The following PPP6R2 variants were observed in gnomAD, a reference collection of about 807,000 sequenced individuals.
PPP6R2 encodes the protein protein phosphatase 6 regulatory subunit 2, also known as serine/threonine-protein phosphatase 6 regulatory subunit 2.
A neutral mutation model predicts 100.2 loss-of-function variants in PPP6R2; 62 were observed. The observed-to-expected ratio is 0.62, with a 90% CI of 0.50 to 0.76. PPP6R2 has a LOEUF of 0.76. PPP6R2 is among the 30% of genes least tolerant of loss of function. The pLI, the probability that PPP6R2 is intolerant of heterozygous loss-of-function variation, is 0.00. For missense variants in PPP6R2, 1,142 were observed against 1,276.3 expected (o/e 0.89, Z 1.60); for synonymous variants, 525 against 514.7 (o/e 1.02, Z -0.27).
chr22:50,388,497 T>TC lies in PPP6R2; in HGVS notation c.-16-5395dup, dbSNP rs1400209779. Reference sequence around the variant, plus strand: ...GGGAGGGTTGCTTAAGCCCAGGAGTTCAAGACTGCAGTGGCTGTGTTCAGG... The same window carrying TC: ...GGGAGGGTTGCTTAAGCCCAGGAGTTCCAAGACTGCAGTGGCTGTGTTCAGG... On this transcript the variant is annotated intron_variant, in intron 2 of 23. Coordinates refer to ENST00000612753, the MANE Select transcript of PPP6R2 (RefSeq NM_001242898.2). Among the ~76,000 whole-genome samples the TC allele has an allele frequency of 1.0e-3, 157 of 152,104 alleles. 1 individual carries two copies. Among genetic ancestry groups the TC allele is most frequent in the Non-Finnish European group, 7.4e-5 (5 of 68,000 alleles).
chr22:50,396,197 A>G (rs1253190135), intron 3 of PPP6R2, among the ~76,000 whole-genome samples: 2 of 135,680 alleles, frequency 1.5e-5, no homozygotes, highest in East Asian at 4.3e-4. Flanking sequence ...CTCTGGCTCA[A>G]AAAAAAAAAA....
chr22:50,395,985 A>G (rs1399381137), intron 3 of PPP6R2, among the ~76,000 whole-genome samples: 1 of 149,900 alleles, frequency 6.7e-6, no homozygotes, highest in Non-Finnish European at 1.5e-5. Flanking sequence ...ACCTCAGGTC[A>G]GGAGTTCGAA....
At chr22:50,403,936 C>A (rs925570211) in intron 3 of PPP6R2, among the ~76,000 whole-genome samples, 2 of 152,122 alleles carry the variant, frequency 1.3e-5, no homozygotes, top group Non-Finnish European at 2.9e-5. Flanking sequence ...CAGCCGGTCG[C>A]GTGGACCACC....
chr22:50,419,828 T>C (rs961325472), intron 8 of PPP6R2, among the ~76,000 whole-genome samples: 1 of 152,200 alleles, frequency 6.6e-6, no homozygotes, highest in African/African-American at 2.4e-5. Flanking sequence ...CTCTGATGCA[T>C]GGTTACATAT....
intron 1 of PPP6R2, among the ~76,000 whole-genome samples, chr22:50,363,683 G>C (rs990870637): frequency 1.2e-4 from 19 of 152,116 alleles, no homozygotes; most frequent in African/African-American, 4.3e-4. Context: ...CTGCTCTTAC[G>C]GACGGACCTG....
intron 1 of PPP6R2, among the ~76,000 whole-genome samples, chr22:50,353,434 A>G (rs991182101): frequency 3.3e-5 from 5 of 152,314 alleles, no homozygotes; most frequent in Admixed American, 3.3e-4. Context: ...TAAGTTTGCT[A>G]TCCTATATGG....
chr22:50,441,168 C>T, intron 22 of PPP6R2, 142 bp downstream of exon 22: 1 of 783,922 alleles, frequency 1.3e-6, no homozygotes, highest in Non-Finnish European at 2.0e-6. Context: ...GGCCCCGTGA[C>T]CCTTCAGAGG....
chr22:50,406,326 C>G (rs1047133336), intron 3 of PPP6R2, among the ~76,000 whole-genome samples: 13 of 142,768 alleles, frequency 9.1e-5, no homozygotes, highest in African/African-American at 3.4e-4. Flanking sequence ...AGGTGAGAGG[C>G]CTGGCAGGCG....
intron 9 of PPP6R2, among the ~76,000 whole-genome samples, chr22:50,422,893 T>G (rs2061521802): frequency 6.6e-6 from 1 of 152,228 alleles, no homozygotes; most frequent in Non-Finnish European, 1.5e-5. Flanking sequence ...AAGATCCACC[T>G]GTCCCACTAG....
At chr22:50,432,882 G>A (rs1307923233) in intron 12 of PPP6R2, among the ~76,000 whole-genome samples, 2 of 152,184 alleles carry the variant, frequency 1.3e-5, no homozygotes, top group East Asian at 1.9e-4. Flanking sequence ...AGCAGAGGCC[G>A]AGCTGGGCTG....
chr22:50,412,703 G>A (rs1328974724), intron 4 of PPP6R2, among the ~76,000 whole-genome samples: 8 of 132,762 alleles, frequency 6.0e-5, no homozygotes, highest in South Asian at 2.4e-4. Context: ...GTGCAGTGGC[G>A]TGATCTCGGC....
At chr22:50,421,756 C>T (rs926654261) in intron 8 of PPP6R2, among the ~76,000 whole-genome samples, 1 of 151,908 alleles carries the variant, frequency 6.6e-6, no homozygotes, top group Non-Finnish European at 1.5e-5. Context: ...ACTAAAAATA[C>T]AAAAAGGAGG....
chr22:50,350,262 C>G (rs1266291429), intron 1 of PPP6R2, among the ~76,000 whole-genome samples: 1 of 151,966 alleles, frequency 6.6e-6, no homozygotes, highest in Non-Finnish European at 1.5e-5. Flanking sequence ...CGAAGTTTCC[C>G]TCTTGTTGCC....
intron 17 of PPP6R2, 21 bp downstream of exon 17, chr22:50,437,921 G>T (rs777739059): frequency 6.4e-7 from 1 of 1,560,870 alleles, no homozygotes; most frequent in African/African-American, 1.4e-5. Context: ...CGGGCTGTGT[G>T]GGGTGCCGCC....
chr22:50,414,844 A>G lies in PPP6R2; in HGVS notation c.552+155A>G, dbSNP rs571530138. Among the ~76,000 whole-genome samples the G allele has an allele frequency of 4.6e-5, 7 of 152,312 alleles. No individual in the cohort carries two copies. In the East Asian group the frequency reaches 1.3e-3, roughly 29 times the overall value. ...GGGCTGTTAGGGGTTCTTGTCAAGG[A>G]TTGTGGCCTGTACCTTTTCCACTGT... On this transcript the variant is annotated intron_variant, in intron 5 of 23. Coordinates refer to ENST00000612753, the MANE Select transcript of PPP6R2 (RefSeq NM_001242898.2).
At chr22:50,368,325 GTAACGGGTGCCT>G (rs1411242508) in intron 1 of PPP6R2, among the ~76,000 whole-genome samples, 1 of 152,270 alleles carries the variant, frequency 6.6e-6, no homozygotes, top group Admixed American at 6.5e-5. Flanking sequence ...AGTCTGCTAA[GTAACGGGTGCCT>G]TCTCAGGCAC....
chr22:50,442,110 G>C (rs536077888), intron 22 of PPP6R2, among the ~76,000 whole-genome samples: 2 of 152,164 alleles, frequency 1.3e-5, no homozygotes, highest in South Asian at 2.1e-4. Flanking sequence ...TGCCTGGAGC[G>C]GGGTGAGGGT....
chr22:50,444,247 A>ATGC lies in PPP6R2; in HGVS notation c.*7_*9dup, dbSNP rs760678314. 2.2e-5 allele frequency: 36 copies of ATGC among 1,612,602 alleles called. No individual in the cohort carries two copies. The highest frequency in any genetic ancestry group is 5.5e-5 in the South Asian group (5 of 90,968). On this transcript the variant is annotated 3_prime_UTR_variant, in exon 24 of 24. Coordinates refer to ENST00000612753, the MANE Select transcript of PPP6R2 (RefSeq NM_001242898.2). ...GAGCTGCCTTAAATGGCCCAGTGTGATGCTGCTGCCGCCCGGCCACGGCCC... is the reference window on the plus strand; with the variant it reads ...GAGCTGCCTTAAATGGCCCAGTGTGATGCTGCTGCTGCCGCCCGGCCACGGCCC...
chr22:50,401,173 C>G (rs546428295), intron 3 of PPP6R2, among the ~76,000 whole-genome samples: 149 of 152,262 alleles, frequency 9.8e-4, no homozygotes, highest in African/African-American at 3.5e-3. Flanking sequence ...GTTGGAACCA[C>G]AGGTGCCACC....
Sources: allele counts gnomAD v4.1 joint callset (sites outside exome capture counted in the v4.1 genomes callset), GRCh38; gene constraint gnomAD v4.1.1; transcripts MANE v1.5; gene names NCBI Gene and HGNC (gene_info 2026-07-23, HGNC 2026-07-21).